Variants in PHACTR2 observed in about 807,000 individuals in gnomAD.
PHACTR2 encodes phosphatase and actin regulator 2.
A neutral mutation model predicts 76.0 loss-of-function variants in PHACTR2; 30 were observed. That is an observed-to-expected ratio of 0.39 (90% confidence interval 0.30 to 0.54). PHACTR2 has a LOEUF of 0.54. Ranked by LOEUF, PHACTR2 falls within the 20% of genes least tolerant of loss-of-function variation. PHACTR2 has a pLI of 0.61. For missense variants in PHACTR2, 696 were observed against 781.1 expected, an observed-to-expected ratio of 0.89 and a Z score of 1.30; for synonymous variants, 292 against 292.5, an observed-to-expected ratio of 1.00 and a Z score of 0.02.
chr6:143,656,671 G>C lies in PHACTR2; in HGVS notation c.13+48349G>C, dbSNP rs755159800. 2.0e-5 allele frequency among the ~76,000 whole-genome samples: 3 copies of C among 152,144 alleles called. No individual in the cohort carries two copies. Among genetic ancestry groups the C allele is most frequent in the Non-Finnish European group, 4.4e-5 (3 of 68,022 alleles). ...CACCCGGTGTGTTGATTAATGAATA[G>C]ATGTGATCATAGAAGAAGCAATATC... On this transcript the variant is annotated intron_variant, in intron 1 of 11. Transcript: ENST00000305766. This position sits in a 1 kb window ranked among gnomAD's most constrained non-coding sequence, Gnocchi z 5.3.
At position 143,589,844 on chromosome 6, in the gene PHACTR2, G is replaced by A. The variant is rs1775670482; in HGVS notation, c.217+52637G>A. On this transcript the variant is annotated intron_variant, in intron 1 of 11. Transcript: ENST00000367584. The surrounding 1 kb of genome is among the most constrained non-coding windows in gnomAD (Gnocchi z 4.4). ...ACTATTTCATATTATAGAAGATGACGATACACATCCCAGCTCATTCTAGAA... is the reference window on the plus strand; with the variant it reads ...ACTATTTCATATTATAGAAGATGACAATACACATCCCAGCTCATTCTAGAA... Among the ~76,000 whole-genome samples the A allele has an allele frequency of 6.6e-6, 1 of 152,172 alleles. No homozygotes were observed. Among genetic ancestry groups the A allele is most frequent in the Non-Finnish European group, 1.5e-5 (1 of 68,034 alleles).
At position 143,795,358 on chromosome 6, in the gene PHACTR2, G is replaced by A. The variant is rs1256857913; in HGVS notation, c.1845+6448G>A. 6.6e-6 allele frequency among the ~76,000 whole-genome samples: 1 copy of A among 152,204 alleles called. No homozygotes were observed. Among genetic ancestry groups the A allele is most frequent in the Non-Finnish European group, 1.5e-5 (1 of 68,032 alleles). ...GAGTCTGGGAGTTCAAGACTGCAAT[G>A]AGCTGTGATTGTGCCACTGCACTGC... is the stretch of plus-strand genomic sequence containing the variant. On this transcript the variant is annotated intron_variant, in intron 11 of 12. Coordinates refer to ENST00000440869, the MANE Select transcript of PHACTR2 (RefSeq NM_001100164.2). This position sits in a 1 kb window ranked among gnomAD's most constrained non-coding sequence, Gnocchi z 4.8.
At position 143,688,743 on chromosome 6, in the gene PHACTR2, C is replaced by G. The variant is rs1167489891; in HGVS notation, c.46+10534C>G. Among the ~76,000 whole-genome samples the G allele has an allele frequency of 1.3e-5, 2 of 152,204 alleles. No homozygotes were observed. Among genetic ancestry groups the G allele is most frequent in the African/African-American group, 4.8e-5 (2 of 41,460 alleles). Reference sequence around the variant, plus strand: ...TGTCCCTACTGCCACCGTCCAAGCTCTGGGGCCATCCATTACATGGACAAC... The same window carrying G: ...TGTCCCTACTGCCACCGTCCAAGCTGTGGGGCCATCCATTACATGGACAAC... On this transcript the variant is annotated intron_variant, in intron 1 of 12. Transcript: ENST00000440869. The surrounding 1 kb of genome is among the most constrained non-coding windows in gnomAD (Gnocchi z 5.2).
intron 1 of PHACTR2, among the ~76,000 whole-genome samples, chr6:143,544,808 A>C (rs2128426689): frequency 6.6e-6 from 1 of 152,356 alleles, no homozygotes; most frequent in African/African-American, 2.4e-5. Flanking sequence ...TAATGCATGA[A>C]TTACCTTAAA....
chr6:143,609,693 C>T (rs1775947135), intron 1 of PHACTR2, among the ~76,000 whole-genome samples: 1 of 152,176 alleles, frequency 6.6e-6, no homozygotes, highest in Non-Finnish European at 1.5e-5. Flanking sequence ...TCATTTAAAA[C>T]TTCTGCCACC....
upstream of PHACTR2, among the ~76,000 whole-genome samples, chr6:143,606,288 T>C (rs1195876402): frequency 2.0e-5 from 3 of 152,116 alleles, no homozygotes; most frequent in African/African-American, 7.2e-5. Context: ...ACTTTCTGGA[T>C]TTTAGACTTG....
Position 143,784,245 on chromosome 6 carries a change from C to T in PHACTR2, c.1707+965C>T, listed in dbSNP as rs535275486. ...ATCCAGCCTGCCTGCTACAGTGCTA[C>T]CCAGATTGACAAATGTCTTACCTCC... is the stretch of plus-strand genomic sequence containing the variant. On this transcript the variant is annotated intron_variant, in intron 10 of 12. Transcript: ENST00000440869. The surrounding 1 kb of genome is among the most constrained non-coding windows in gnomAD (Gnocchi z 4.5). 4.6e-5 allele frequency among the ~76,000 whole-genome samples: 7 copies of T among 152,234 alleles called. No homozygotes were observed. In the South Asian group the frequency reaches 1.5e-3, roughly 32 times the overall value.
rs1775007768 is a variant in PHACTR2, at chr6:143,546,821, C to T, written c.217+9614C>T. On this transcript the variant is annotated intron_variant, in intron 1 of 11. Coordinates refer to the PHACTR2 transcript ENST00000367584. This position sits in a 1 kb window ranked among gnomAD's most constrained non-coding sequence, Gnocchi z 4.9. ...CAGAAGGATTGCTTGAGTCCAGGAG[C>T]TTGAGACAAGCCTGGGCAACATAGT... 6.7e-6 allele frequency among the ~76,000 whole-genome samples: 1 copy of T among 150,078 alleles called. No individual in the cohort carries two copies. The highest frequency in any genetic ancestry group is 1.5e-5 in the Non-Finnish European group (1 of 67,736).
At chr6:143,560,381 A>T (rs111857662) in intron 1 of PHACTR2, among the ~76,000 whole-genome samples, 3 of 152,346 alleles carry the variant, frequency 2.0e-5, no homozygotes, top group Non-Finnish European at 4.4e-5. Flanking sequence ...AATTAGTCTA[A>T]TTCATCCATA....
chr6:143,718,199 GTAA>G (rs113875059), intron 2 of PHACTR2, among the ~76,000 whole-genome samples: 7 of 152,146 alleles, frequency 4.6e-5, no homozygotes, highest in African/African-American at 9.7e-5. Flanking sequence ...CTCCCTAATA[GTAA>G]TAATAATGGC....
At position 143,819,865 on chromosome 6, in the gene PHACTR2, C is replaced by G. The variant is rs145594940; in HGVS notation, c.1923-3809C>G. ...CATTCTTGACTGCTATAAAGAAATA[C>G]CTGAGACTAGGTAATTTATAAGAAA... On this transcript the variant is annotated intron_variant, in intron 12 of 12. Transcript: ENST00000440869. The surrounding 1 kb of genome is among the most constrained non-coding windows in gnomAD (Gnocchi z 5.0). 5.2e-3 allele frequency among the ~76,000 whole-genome samples: 786 copies of G among 152,228 alleles called. 7 individuals are homozygous for G. Among genetic ancestry groups the G allele is most frequent in the African/African-American group, 0.018 (747 of 41,538 alleles).
intron 1 of PHACTR2, among the ~76,000 whole-genome samples, chr6:143,666,683 G>A (rs1164156103): frequency 5.3e-5 from 8 of 152,334 alleles, no homozygotes; most frequent in African/African-American, 1.9e-4. Flanking sequence ...CTTCTTTTGA[G>A]AAATGTCTGT....
intron 2 of PHACTR2, among the ~76,000 whole-genome samples, chr6:143,736,554 A>ATTTTTTTT (rs776969170): frequency 1.8e-5 from 1 of 56,948 alleles, no homozygotes; most frequent in Admixed American, 2.8e-4. Context: ...ACCCTTTACA[A>ATTTTTTTT]TTTTTTTTTT....
chr6:143,716,678 T>G (rs1265165614), intron 2 of PHACTR2, among the ~76,000 whole-genome samples: 1 of 152,208 alleles, frequency 6.6e-6, no homozygotes, highest in Non-Finnish European at 1.5e-5. Flanking sequence ...GGAATAGAGC[T>G]GATAAGTAGG....
At position 143,756,556 on chromosome 6, in the gene PHACTR2, G is replaced by A. The variant is rs1034722681; in HGVS notation, c.454+2644G>A. Among the ~76,000 whole-genome samples, 12 of 151,978 alleles carry A rather than the reference G, an allele frequency of 7.9e-5. No individual in the cohort carries two copies. The East Asian group carries it at 1.6e-3, about 20-fold the overall frequency. The stretch of plus-strand genomic sequence containing the variant: ...TAAAAATACAAAAAAAAAATTAGCC[G>A]GGCGTGGTGGCGGGCGCCTGTAGTC... On this transcript the variant is annotated intron_variant, in intron 4 of 12. Transcript: ENST00000440869.
chr6:143,781,114 A>T (rs75657807), intron 9 of PHACTR2, among the ~76,000 whole-genome samples: 1 of 152,338 alleles, frequency 6.6e-6, no homozygotes, highest in Admixed American at 6.5e-5. Context: ...GCCCATCTCT[A>T]CAAGATGAAA....
intron 1 of PHACTR2, among the ~76,000 whole-genome samples, chr6:143,626,500 G>A (rs1460013041): frequency 1.4e-5 from 2 of 142,716 alleles, no homozygotes; most frequent in Non-Finnish European, 3.0e-5. Flanking sequence ...TTGCGCCACT[G>A]CAGTCCATCC....
rs934059518 is a variant in PHACTR2, at chr6:143,571,867, G to A, written c.217+34660G>A. On this transcript the variant is annotated intron_variant, in intron 1 of 11. Transcript: ENST00000367584. The surrounding 1 kb of genome is among the most constrained non-coding windows in gnomAD (Gnocchi z 4.6). ...ATTATTTTAATGTTAGATTTATAAC[G>A]TTCTGTTCATGTTCTTGGAAAATTA... Among the ~76,000 whole-genome samples the A allele has an allele frequency of 1.3e-5, 2 of 152,064 alleles. No homozygotes were observed. The highest frequency in any genetic ancestry group is 2.9e-5 in the Non-Finnish European group (2 of 68,020).
intron 11 of PHACTR2, among the ~76,000 whole-genome samples, chr6:143,805,756 C>G (rs751605086): frequency 3.9e-5 from 6 of 152,140 alleles, no homozygotes; most frequent in Non-Finnish European, 8.8e-5. Context: ...ACAGGTTCTC[C>G]ATAGAAACTA....
Sources: gnomAD v4.1 joint callset for allele counts (sites outside exome capture counted in the v4.1 genomes callset) on GRCh38, gnomAD v4.1.1 for gene constraint, Gnocchi (gnomAD v3.1) non-coding constraint, MANE v1.5 for transcripts, NCBI Gene and HGNC (gene_info 2026-07-23, HGNC 2026-07-21) for gene names.